Variants in NDST3 observed in about 807,000 individuals in gnomAD.
The protein encoded by NDST3 is bifunctional heparan sulfate N-deacetylase/N-sulfotransferase 3.
NDST3 carries 58 observed loss-of-function variants against 96.1 expected under a neutral mutation model. The observed-to-expected ratio is 0.60, with a 90% CI of 0.49 to 0.75. NDST3 has a LOEUF of 0.75. Among genes scored for constraint, NDST3 ranks in the 30% least tolerant of loss-of-function variants. The pLI is 0.00. For synonymous variants in NDST3, 333 were observed against 359.7 expected (o/e 0.93, Z 0.84); for missense variants, 788 against 1,034.2 (o/e 0.76, Z 3.27).
chr4:118,151,150 C>T (rs572361307), intron 6 of NDST3, among the ~76,000 whole-genome samples: 1 of 152,182 alleles, frequency 6.6e-6, no homozygotes, highest in African/African-American at 2.4e-5. Flanking sequence ...AAAAACCAAA[C>T]ACCGCATATT....
chr4:118,138,172 G>T lies in NDST3; in HGVS notation c.1343G>T (p.Ser448Ile). The T allele has an allele frequency of 6.2e-7, 1 of 1,613,954 alleles. No homozygotes were observed. Among genetic ancestry groups the T allele is most frequent in the Non-Finnish European group, 8.5e-7 (1 of 1,179,912 alleles). ...WKKVWNIKIT[S>I]TEEYPHLKPA... is the part of the protein sequence containing the mutation. ...AAGGTCTGGAATATTAAAATCACCA[G>T]CACTGAAGAATATCCACATCTGAAG... The change falls in exon 5 of 14, where the codon AGC becomes ATC. Residue 448 changes from serine to isoleucine, a missense_variant. By Grantham distance (142) the Ser-to-Ile change is moderately radical. Transcript: ENST00000296499.
At chr4:118,095,358 C>T (rs1305303809) in intron 2 of NDST3, among the ~76,000 whole-genome samples, 1 of 151,804 alleles carries the variant, frequency 6.6e-6, no homozygotes, top group Non-Finnish European at 1.5e-5. Context: ...GATTTTTGAA[C>T]ATCAGTTGTC....
chr4:118,085,066 T>A (rs1367373582), intron 2 of NDST3, among the ~76,000 whole-genome samples: 1 of 152,096 alleles, frequency 6.6e-6, no homozygotes, highest in African/African-American at 2.4e-5. Context: ...GAGGTTGCAG[T>A]GAGCTGAGAT....
chr4:118,253,971 C>T (rs1029050240), intron 13 of NDST3, among the ~76,000 whole-genome samples: 3 of 152,078 alleles, frequency 2.0e-5, no homozygotes, highest in African/African-American at 7.2e-5. Flanking sequence ...CCGAGTGTGG[C>T]GGCTCATGCC....
chr4:118,060,311 CTTT>C (rs1489082379), intron 2 of NDST3, among the ~76,000 whole-genome samples: 2 of 151,942 alleles, frequency 1.3e-5, no homozygotes, highest in Admixed American at 1.3e-4. Flanking sequence ...TCTATGTTAT[CTTT>C]TTAACTTTAT....
intron 3 of NDST3, among the ~76,000 whole-genome samples, chr4:118,112,889 A>G (rs965576481): frequency 3.3e-5 from 5 of 152,158 alleles, no homozygotes; most frequent in Non-Finnish European, 4.4e-5. Flanking sequence ...TTCATTAATC[A>G]GGCCAATGAG....
At chr4:118,091,377 C>A (rs763881026) in intron 2 of NDST3, among the ~76,000 whole-genome samples, 1 of 151,692 alleles carries the variant, frequency 6.6e-6, no homozygotes, top group African/African-American at 2.4e-5. Context: ...TAAGATCCCT[C>A]GAAAATATTT....
intron 12 of NDST3, among the ~76,000 whole-genome samples, chr4:118,249,544 A>C (rs1397048506): frequency 6.6e-6 from 1 of 152,172 alleles, no homozygotes; most frequent in East Asian, 1.9e-4. Flanking sequence ...AAAACATAAA[A>C]TGTTGTGTCC....
chr4:118,203,850 T>C (rs1738256126), intron 6 of NDST3, among the ~76,000 whole-genome samples: 1 of 152,142 alleles, frequency 6.6e-6, no homozygotes, highest in Non-Finnish European at 1.5e-5. Context: ...CTTAATCAAC[T>C]TAGCCAATAA....
intron 6 of NDST3, among the ~76,000 whole-genome samples, chr4:118,189,189 A>G (rs1476497114): frequency 8.6e-5 from 13 of 152,032 alleles, no homozygotes; most frequent in Admixed American, 8.5e-4. Flanking sequence ...AGCTGGGACC[A>G]CAGGTACACG....
chr4:118,075,735 T>C (rs1234054161), intron 2 of NDST3, among the ~76,000 whole-genome samples: 2 of 82,806 alleles, frequency 2.4e-5, no homozygotes, highest in East Asian at 7.8e-4. Flanking sequence ...GCCCACTTTT[T>C]GATGGGGCTG....
intron 12 of NDST3, among the ~76,000 whole-genome samples, chr4:118,246,403 C>T (rs1471514094): frequency 1.3e-5 from 2 of 152,038 alleles, no homozygotes; most frequent in Non-Finnish European, 2.9e-5. Context: ...GTCAGGAGTT[C>T]GAGACCAGCC....
At chr4:118,195,552 G>A (rs1487381586) in intron 6 of NDST3, among the ~76,000 whole-genome samples, 1 of 152,124 alleles carries the variant, frequency 6.6e-6, no homozygotes, top group Non-Finnish European at 1.5e-5. Context: ...CCAGTCTGGG[G>A]TATGACTTTA....
Position 118,255,616 on chromosome 4 carries a change from C to T in NDST3, c.2526C>T (p.Tyr842=), listed in dbSNP as rs1226908956. The T allele has an allele frequency of 6.2e-7, 1 of 1,613,658 alleles. No individual in the cohort carries two copies. Among genetic ancestry groups the T allele is most frequent in the Admixed American group, 1.7e-5 (1 of 59,992 alleles). ...AGAGCAGGACATTTCTGTCAAGCTACTATCGAGATCACAACGTGGAACTCT... is the reference window on the plus strand; with the variant it reads ...AGAGCAGGACATTTCTGTCAAGCTATTATCGAGATCACAACGTGGAACTCT... The part of the protein sequence containing the change: ...DSDSRTFLSS[Y]YRDHNVELSK... Residue 842 remains tyrosine (Y), a synonymous_variant, in exon 14 of 14, where the codon TAC becomes TAT. Coordinates refer to ENST00000296499, the MANE Select transcript of NDST3 (RefSeq NM_004784.3).
chr4:118,213,143 G>T (rs1738916779), intron 6 of NDST3, among the ~76,000 whole-genome samples: 1 of 152,138 alleles, frequency 6.6e-6, no homozygotes, highest in Non-Finnish European at 1.5e-5. Context: ...TTCCCAGCCA[G>T]CAAGAATCAT....
At position 118,058,430 on chromosome 4, in the gene NDST3, C is replaced by CAAAAAAAAA. The variant is rs35067389; in HGVS notation, c.981+3547_981+3555dup. 7.6e-5 allele frequency among the ~76,000 whole-genome samples: 9 copies of CAAAAAAAAA among 118,138 alleles called. 1 individual carries two copies. The highest frequency in any genetic ancestry group is 1.1e-4 in the African/African-American group (3 of 28,486). 77.5% of individuals were successfully genotyped at this position (118,138 alleles called of 152,430 possible). Reference sequence around the variant, plus strand: ...TTTCATTCTTTGTGCCACAAAAAGACAAAAAAAAAAAAAAAACAGACCTAA... The same window carrying CAAAAAAAAA: ...TTTCATTCTTTGTGCCACAAAAAGACAAAAAAAAAAAAAAAAAAAAAAAAACAGACCTAA... On this transcript the variant is annotated intron_variant, in intron 2 of 13. Transcript: ENST00000296499.
At chr4:118,077,454 TTG>T (rs1398550179) in intron 2 of NDST3, among the ~76,000 whole-genome samples, 1 of 152,188 alleles carries the variant, frequency 6.6e-6, no homozygotes, top group Non-Finnish European at 1.5e-5. Context: ...GCATGGCTCT[TTG>T]TGCTCTGTGG....
intron 4 of NDST3, among the ~76,000 whole-genome samples, chr4:118,123,545 T>C (rs1332048488): frequency 6.6e-6 from 1 of 152,174 alleles, no homozygotes; most frequent in Non-Finnish European, 1.5e-5. Context: ...TAAGGCTTCA[T>C]ACATTCATTT....
At chr4:118,056,564 C>T (rs529981810) in intron 2 of NDST3, among the ~76,000 whole-genome samples, 3 of 151,970 alleles carry the variant, frequency 2.0e-5, no homozygotes, top group Non-Finnish European at 2.9e-5. Flanking sequence ...TAATTTACTA[C>T]AGTCAATTGC....
Sources: gnomAD v4.1 joint callset for allele counts (sites outside exome capture counted in the v4.1 genomes callset) on GRCh38, gnomAD v4.1.1 for gene constraint, MANE v1.5 for transcripts, NCBI Gene and HGNC (gene_info 2026-07-23, HGNC 2026-07-21) for gene names.